Variants in ATP8A2 observed in about 807,000 individuals in gnomAD.
The protein encoded by ATP8A2 is ATPase phospholipid transporting 8A2.
In ATP8A2, 100 loss-of-function variants were observed where a neutral mutation model predicts 165.6. The observed-to-expected ratio is 0.60, with a 90% CI of 0.51 to 0.71. The LOEUF is 0.71. Ranked by LOEUF, ATP8A2 falls within the 30% of genes least tolerant of loss-of-function variation. ATP8A2 has a pLI of 0.00. For missense variants in ATP8A2, 1,227 were observed against 1,479.5 expected, an observed-to-expected ratio of 0.83 and a Z score of 2.80; for synonymous variants, 543 against 548.8, an observed-to-expected ratio of 0.99 and a Z score of 0.15.
chr13:25,888,823 C>A (rs1046822461), intron 33 of ATP8A2, among the ~76,000 whole-genome samples: 3 of 152,152 alleles, frequency 2.0e-5, no homozygotes, highest in African/African-American at 7.2e-5. Context: ...CGCACCATTG[C>A]GCTCCAGCCT....
At chr13:25,880,877 A>G (rs1038045564) in intron 33 of ATP8A2, 1 of 455,022 alleles carries the variant, frequency 2.2e-6, no homozygotes, top group Non-Finnish European at 4.4e-6. Context: ...TTGATGAAAT[A>G]TGTTTCATGA....
At chr13:25,767,544 AT>A in intron 25 of ATP8A2, among the ~76,000 whole-genome samples, 1 of 152,314 alleles carries the variant, frequency 6.6e-6, no homozygotes, top group East Asian at 1.9e-4. Context: ...CCTTCCATAT[AT>A]TTGTAAGAGA....
intron 2 of ATP8A2, among the ~76,000 whole-genome samples, chr13:25,503,556 A>G (rs746363636): frequency 6.6e-6 from 1 of 152,192 alleles, no homozygotes; most frequent in Non-Finnish European, 1.5e-5. Flanking sequence ...ACATGGGGCC[A>G]GGACAAGACC....
intron 23 of ATP8A2, among the ~76,000 whole-genome samples, chr13:25,586,365 A>G (rs549295627): frequency 6.6e-6 from 1 of 152,216 alleles, no homozygotes; most frequent in South Asian, 2.1e-4. Context: ...CAACGTGGGG[A>G]GAAGCCGTGA....
At chr13:25,592,300 A>G (rs1261435685) in intron 24 of ATP8A2, among the ~76,000 whole-genome samples, 3 of 150,636 alleles carry the variant, frequency 2.0e-5, no homozygotes, top group Admixed American at 2.0e-4. Flanking sequence ...CTGTTTAAAA[A>G]AACTGGGCAT....
Position 26,021,449 on chromosome 13 carries a change from C to T in ATP8A2, c.*1464C>T, listed in dbSNP as rs909887296. ...CTTTCTGTATCCCATCAGTGTTAGA[C>T]ACAGGTACCTATCAGAATACGGCAT... On this transcript the variant is annotated 3_prime_UTR_variant, in exon 37 of 37. Transcript: ENST00000381655. 2 of 152,200 alleles carry T rather than the reference C, an allele frequency of 1.3e-5. No individual in the cohort carries two copies. The highest frequency in any genetic ancestry group is 2.4e-5 in the African/African-American group (1 of 41,440). The allele number at this position is 152,200 out of a possible 1,614,324, so 9.4% of individuals were successfully genotyped here. A position where few individuals can be genotyped will look rare whatever the true frequency, so the allele number is the denominator to read the frequency against.
chr13:25,833,202 G>A (rs1951522776), intron 28 of ATP8A2, among the ~76,000 whole-genome samples: 2 of 151,630 alleles, frequency 1.3e-5, no homozygotes, highest in Admixed American at 6.6e-5. Context: ...AAGTCTTATT[G>A]AACAAATGGA....
chr13:25,418,127 T>C (rs1028925483), intron 1 of ATP8A2, among the ~76,000 whole-genome samples: 1 of 152,170 alleles, frequency 6.6e-6, no homozygotes, highest in Admixed American at 6.5e-5. Context: ...AATTCTCCCA[T>C]TAGCAATTAG....
chr13:26,016,470 T>A (rs1356806782), intron 36 of ATP8A2, among the ~76,000 whole-genome samples: 1 of 152,206 alleles, frequency 6.6e-6, no homozygotes, highest in African/African-American at 2.4e-5. Context: ...GACAGAGTTA[T>A]GAGCTGAAGA....
intron 27 of ATP8A2, among the ~76,000 whole-genome samples, chr13:25,807,496 CAG>C (rs990816556): frequency 6.6e-6 from 1 of 152,146 alleles, no homozygotes; most frequent in Admixed American, 6.5e-5. Flanking sequence ...TTGACTAAAA[CAG>C]AGAGGATTTA....
chr13:25,585,058 AAC>A (rs1359809728), intron 23 of ATP8A2, among the ~76,000 whole-genome samples: 6 of 152,346 alleles, frequency 3.9e-5, no homozygotes, highest in South Asian at 2.1e-4. Flanking sequence ...TTAGAAAAAA[AAC>A]ACACAGTCAA....
At chr13:25,485,613 C>T (rs926287466) in intron 2 of ATP8A2, among the ~76,000 whole-genome samples, 1 of 152,168 alleles carries the variant, frequency 6.6e-6, no homozygotes, top group Non-Finnish European at 1.5e-5. Flanking sequence ...TCCTCTGCAT[C>T]GAGGCTTCCT....
chr13:25,913,332 A>G (rs1954175484), intron 33 of ATP8A2, among the ~76,000 whole-genome samples: 1 of 152,212 alleles, frequency 6.6e-6, no homozygotes, highest in African/African-American at 2.4e-5. Flanking sequence ...GCTTGTTTCC[A>G]TCTTTTAAAA....
intron 33 of ATP8A2, among the ~76,000 whole-genome samples, chr13:25,958,451 C>T (rs368060970): frequency 1.6e-4 from 24 of 152,150 alleles, no homozygotes; most frequent in East Asian, 5.8e-4. Flanking sequence ...CTTGTTAATG[C>T]GCCTAGTCTG....
At chr13:25,495,716 C>G (rs541841945) in intron 2 of ATP8A2, among the ~76,000 whole-genome samples, 1 of 146,492 alleles carries the variant, frequency 6.8e-6, no homozygotes, top group South Asian at 2.2e-4. Flanking sequence ...ATCCTCTTGC[C>G]TTGGCCTCTG....
At chr13:25,458,306 T>G (rs1046856621) in intron 1 of ATP8A2, among the ~76,000 whole-genome samples, 2 of 152,236 alleles carry the variant, frequency 1.3e-5, no homozygotes, top group East Asian at 1.9e-4. Flanking sequence ...ATAGTTATAT[T>G]ATAAATATCT....
At chr13:25,540,489 G>T in intron 8 of ATP8A2, 101 bp downstream of exon 8, 2 of 855,558 alleles carry the variant, frequency 2.3e-6, no homozygotes. Context: ...CAGCCACAAA[G>T]GGTTATGCCT....
intron 1 of ATP8A2, among the ~76,000 whole-genome samples, chr13:25,431,533 A>G (rs1047474508): frequency 6.6e-6 from 1 of 152,154 alleles, no homozygotes; most frequent in Non-Finnish European, 1.5e-5. Context: ...TTATGATGGA[A>G]TGGGAATTGA....
chr13:25,838,125 C>T (rs1242102593), intron 29 of ATP8A2, among the ~76,000 whole-genome samples: 7 of 152,204 alleles, frequency 4.6e-5, no homozygotes, highest in Non-Finnish European at 1.5e-5. Context: ...GCACAGTTCA[C>T]CTCCTGTGCT....
Sources: allele counts gnomAD v4.1 joint callset (sites outside exome capture counted in the v4.1 genomes callset), GRCh38; gene constraint gnomAD v4.1.1; transcripts MANE v1.5; gene names NCBI Gene and HGNC (gene_info 2026-07-23, HGNC 2026-07-21).